The following DCLRE1C variants were observed in gnomAD, a reference collection of about 807,000 sequenced individuals.
DCLRE1C encodes protein artemis.
In DCLRE1C, 47 loss-of-function variants were observed where a neutral mutation model predicts 61.4. That is an observed-to-expected ratio of 0.77 (90% CI 0.61 to 0.98). The LOEUF (loss-of-function observed/expected upper bound fraction) is 0.98, where lower values mean the gene tolerates loss of function less well. Ranked by LOEUF, DCLRE1C falls within the 50% of genes least tolerant of loss-of-function variation. The pLI is 0.00. For missense variants in DCLRE1C, 858 were observed against 816.0 expected (o/e 1.05, Z -0.63); for synonymous variants, 337 against 287.6 (o/e 1.17, Z -1.74).
chr10:14,925,597 T>A (rs1448177839), intron 11 of DCLRE1C, among the ~76,000 whole-genome samples: 3 of 152,224 alleles, frequency 2.0e-5, no homozygotes, highest in African/African-American at 7.2e-5. Context: ...AGACACCTTA[T>A]TTAATAGACA....
rs139103967 is a variant in DCLRE1C at position 14,906,911 on chromosome 10, G to T, written c.*1497C>A. On this transcript the variant is annotated 3_prime_UTR_variant, in exon 14 of 14. Transcript: ENST00000378278. ...TTTATTTTTCTTGAGATGGGGTCTTGCTTTGTTGCCCAGGCTGGGCACAAT... is the reference window on the plus strand; with the variant it reads ...TTTATTTTTCTTGAGATGGGGTCTTTCTTTGTTGCCCAGGCTGGGCACAAT... 1.6e-4 allele frequency among the ~76,000 whole-genome samples: 25 copies of T among 152,152 alleles called. No individual in the cohort carries two copies. The highest frequency in any genetic ancestry group is 6.0e-4 in the African/African-American group (25 of 41,506).
At position 14,908,279 on chromosome 10, in the gene DCLRE1C, G is replaced by A. The variant is rs139983987; in HGVS notation, c.*129C>T. On this transcript the variant is annotated 3_prime_UTR_variant, in exon 14 of 14. Transcript: ENST00000378278. ...CCACCTCAAAGTGCTGGGATTACAA[G>A]TGTGAGCCACCACACCCAACCAGGT... 1.3e-6 allele frequency: 1 copy of A among 749,994 alleles called. No homozygotes were observed. The highest frequency in any genetic ancestry group is 1.8e-5 in the African/African-American group (1 of 56,082). 46.5% of individuals were successfully genotyped at this position (749,994 alleles called of 1,614,324 possible). A position where few individuals can be genotyped will look rare whatever the true frequency, so the allele number is the denominator to read the frequency against.
intron 3 of DCLRE1C, among the ~76,000 whole-genome samples, chr10:14,941,460 G>GT (rs908277239): frequency 5.9e-5 from 9 of 152,026 alleles, no homozygotes; most frequent in African/African-American, 1.7e-4. Flanking sequence ...AGTTTTTAAG[G>GT]TTTTTTTGTA....
Position 14,908,253 on chromosome 10 carries a change from C to A in DCLRE1C, c.*155G>T. On this transcript the variant is annotated 3_prime_UTR_variant, in exon 14 of 14. Transcript: ENST00000378278. ...TCGAACTCCTGGGCTCAAGCCATTG[C>A]CCACCTCAAAGTGCTGGGATTACAA... 1.6e-6 allele frequency: 1 copy of A among 633,226 alleles called. No individual in the cohort carries two copies. The highest frequency in any genetic ancestry group is 1.8e-5 in the South Asian group (1 of 54,902). The allele number at this position is 633,226 out of a possible 1,614,324, so 39.2% of individuals were successfully genotyped here. A position where few individuals can be genotyped will look rare whatever the true frequency, so the allele number is the denominator to read the frequency against.
At chr10:14,927,532 G>GT (rs199647903) in intron 10 of DCLRE1C, among the ~76,000 whole-genome samples, 1 of 119,512 alleles carries the variant, frequency 8.4e-6, no homozygotes, top group Non-Finnish European at 1.6e-5. Flanking sequence ...TCTGACATCA[G>GT]TTTTTCCTCT....
chr10:14,954,004 A>T lies in DCLRE1C; in HGVS notation c.7T>A (p.Ser3Thr). Residue 3 changes from serine to threonine, a missense_variant, in exon 1 of 14, where the codon TCT (serine) becomes ACT (threonine). Coordinates refer to ENST00000378278, the MANE Select transcript of DCLRE1C (RefSeq NM_001033855.3). ...TACTCGGCCATCTGCCCCTCGAAAG[A>T]ACTCATAGCGCCGCCGATCCCAGAG... MSSFEGQMAEYPT... is the reference protein window; with the variant it reads MSTFEGQMAEYPT... The T allele has an allele frequency of 6.2e-7, 1 of 1,613,996 alleles. No individual in the cohort carries two copies. The highest frequency in any genetic ancestry group is 1.6e-4 in the Middle Eastern group (1 of 6,062).
chr10:14,946,667 AT>A (rs34082024), intron 2 of DCLRE1C, among the ~76,000 whole-genome samples: 7,100 of 148,836 alleles, frequency 0.048, 477 homozygotes, highest in African/African-American at 0.16. Context: ...CGCTAAAGAG[AT>A]TTTTTTTTTT....
In DCLRE1C at chr10:14,908,788, T is replaced by A. The variant is rs762293150; in HGVS notation, c.1699A>T (p.Ser567Cys). 1 of 1,614,238 alleles carries A rather than the reference T, an allele frequency of 6.2e-7. No individual in the cohort carries two copies. Among genetic ancestry groups the A allele is most frequent in the Non-Finnish European group, 8.5e-7 (1 of 1,180,036 alleles). ...TTGTCCAAGGAAGTAATATCCCCAC[T>A]GTTTCTCTCTTGGGAAGATAACAAA... ...TVLLSSQERN[S>C]GDITSLDKAD... The change falls in exon 14 of 14, where the codon AGT (serine) becomes TGT (cysteine). Residue 567 changes from serine to cysteine, a missense_variant. By Grantham distance (112) the Ser-to-Cys change is moderately radical. Coordinates refer to ENST00000378278, the MANE Select transcript of DCLRE1C (RefSeq NM_001033855.3).
rs1256217030 is a variant in DCLRE1C at position 14,928,033 on chromosome 10, T to G, written c.900A>C (p.Lys300Asn). The G allele has an allele frequency of 6.2e-7, 1 of 1,613,954 alleles. No individual in the cohort carries two copies. ...TCTCTTACCTCACAATTACATTTGT[T>G]TTTCTGCTCCTTTCTCCAAACCACA... Reference protein sequence around the residue: ...STMWFGERSRKTNVIVRTGES... With the variant: ...STMWFGERSRNTNVIVRTGES... Residue 300 changes from lysine to asparagine, a missense_variant, in exon 10 of 14, where the codon AAA becomes AAC. Around this residue, in one of 2 missense-constraint regions of DCLRE1C, gnomAD observed 843 missense variants for 783.5 expected, o/e 1.08. Coordinates refer to ENST00000378278, the MANE Select transcript of DCLRE1C (RefSeq NM_001033855.3).
Position 14,905,898 on chromosome 10 carries a change from CT to C in DCLRE1C, c.*2509del, listed in dbSNP as rs1185698078. Among the ~76,000 whole-genome samples, 6 of 152,190 alleles carry C rather than the reference CT, an allele frequency of 3.9e-5. No homozygotes were observed. The highest frequency in any genetic ancestry group is 7.3e-5 in the Non-Finnish European group (5 of 68,040). ...TTGGGAGGCTGAGGCAGGAAAATCA[CT>C]TGAACCCTGGAGGCTGAGGTTGCAG... On this transcript the variant is annotated 3_prime_UTR_variant, in exon 14 of 14. Coordinates refer to ENST00000378278, the MANE Select transcript of DCLRE1C (RefSeq NM_001033855.3).
At chr10:14,930,137 G>C (rs1198858179) in intron 9 of DCLRE1C, among the ~76,000 whole-genome samples, 1 of 151,824 alleles carries the variant, frequency 6.6e-6, no homozygotes, top group East Asian at 1.9e-4. Context: ...CTTGAGACGG[G>C]GTTTCACTCT....
downstream of DCLRE1C, among the ~76,000 whole-genome samples, chr10:14,901,696 T>C (rs138926668): frequency 6.4e-3 from 976 of 152,154 alleles, 33 homozygotes; most frequent in East Asian, 0.098. Context: ...CCGGGCGTGG[T>C]GGCGTGTGCC....
At chr10:14,898,202 CTTTTTTTTTTT>C (rs919860514) in exon 14 of DCLRE1C, 4 of 56,156 alleles carry the variant, frequency 7.1e-5, no homozygotes, top group Non-Finnish European at 1.1e-4. Flanking sequence ...AGTACTGTTT[CTTTTTTTTTTT>C]TTTTTTTTTT....
chr10:14,945,040 T>C (rs1564470889), intron 3 of DCLRE1C, 65 bp downstream of exon 3: 2 of 1,280,356 alleles, frequency 1.6e-6, no homozygotes, highest in African/African-American at 3.0e-5. Context: ...AAAGTTTTTG[T>C]CAATCTACCT....
intron 11 of DCLRE1C, among the ~76,000 whole-genome samples, chr10:14,924,056 G>A (rs138922492): frequency 6.6e-6 from 1 of 152,326 alleles, no homozygotes; most frequent in East Asian, 1.9e-4. Context: ...TGTGCCTAAG[G>A]GCCATTGACA....
chr10:14,949,658 G>A (rs544683900), intron 1 of DCLRE1C, among the ~76,000 whole-genome samples: 5 of 152,332 alleles, frequency 3.3e-5, no homozygotes, highest in African/African-American at 9.6e-5. Flanking sequence ...CAATTAGACC[G>A]ACTATTACAT....
In DCLRE1C at chr10:14,930,278, C is replaced by CTT. The variant is rs60565089; in HGVS notation, c.781-2128_781-2127dup. Among the ~76,000 whole-genome samples the CTT allele has an allele frequency of 3.6e-3, 305 of 85,720 alleles. 5 individuals carry two copies. Among genetic ancestry groups the CTT allele is most frequent in the Middle Eastern group, 7.9e-3 (1 of 126 alleles). The allele number at this position is 85,720 out of a possible 152,430, so 56.2% of individuals were successfully genotyped here. A position where few individuals can be genotyped will look rare whatever the true frequency, so the allele number is the denominator to read the frequency against. On this transcript the variant is annotated intron_variant, in intron 9 of 13. Transcript: ENST00000378278. ...AGGCATGCACCACCACACTCAGCAC[C>CTT]TTTTTTTTTTTTTTTTTTTTTTTTT... is the stretch of plus-strand genomic sequence containing the variant.
intron 3 of DCLRE1C, chr10:14,942,055 G>A (rs1309200033): frequency 6.6e-6 from 1 of 152,192 alleles, no homozygotes; most frequent in East Asian, 1.9e-4. Flanking sequence ...GAACTAGTAG[G>A]GATTTTTTAA....
At chr10:14,915,031 T>G (rs1835937702) in intron 13 of DCLRE1C, among the ~76,000 whole-genome samples, 1 of 151,318 alleles carries the variant, frequency 6.6e-6, no homozygotes, top group East Asian at 1.9e-4. Context: ...CCTCCAAAAT[T>G]CAGAAACTAG....
Sources: gnomAD v4.1 joint callset for allele counts (sites outside exome capture counted in the v4.1 genomes callset) on GRCh38, gnomAD v4.1.1 for gene constraint, gnomAD v4.1.1 regional missense constraint, MANE v1.5 for transcripts, NCBI Gene and HGNC (gene_info 2026-07-23, HGNC 2026-07-21) for gene names.